The following SFSWAP variants were observed in gnomAD, a reference collection of about 807,000 sequenced individuals.
SFSWAP encodes splicing factor SWAP, also known as splicing factor, suppressor of white-apricot homolog.
Under a neutral mutation model 100.7 loss-of-function variants are expected in SFSWAP, and 17 were observed. That is an observed-to-expected ratio of 0.17 (90% CI 0.12 to 0.25). SFSWAP has a LOEUF of 0.25. Ranked by LOEUF, SFSWAP falls within the 10% of genes least tolerant of loss-of-function variation. The pLI, the probability that SFSWAP is intolerant of heterozygous loss-of-function variation, is 1.00. For synonymous variants in SFSWAP, 504 were observed against 510.1 expected (o/e 0.99, Z 0.16); for missense variants, 1,005 against 1,262.6 (o/e 0.80, Z 3.09).
chr12:131,784,729 G>A (rs1884767873), intron 14 of SFSWAP: 1 of 175,924 alleles, frequency 5.7e-6, no homozygotes, highest in Admixed American at 6.1e-5. Context: ...AGCTTCTTTA[G>A]CTAAAGTCAA....
At chr12:131,798,013 G>T (rs1455886098) in intron 16 of SFSWAP, among the ~76,000 whole-genome samples, 5 of 152,200 alleles carry the variant, frequency 3.3e-5, no homozygotes, top group Admixed American at 3.3e-4. Flanking sequence ...ATTTGAGATG[G>T]ATTAGAATCT....
chr12:131,737,813 A>G (rs1271699270), intron 7 of SFSWAP, among the ~76,000 whole-genome samples: 1 of 152,036 alleles, frequency 6.6e-6, no homozygotes, highest in Admixed American at 6.6e-5. Flanking sequence ...AATTTTATAT[A>G]TATATAAAAT....
intron 13 of SFSWAP, among the ~76,000 whole-genome samples, 161 bp downstream of exon 13, chr12:131,766,469 T>C (rs1251005312): frequency 6.6e-6 from 1 of 152,158 alleles, no homozygotes; most frequent in East Asian, 1.9e-4. Context: ...TCTATAGCAG[T>C]GAATCTAAGA....
At chr12:131,719,966 T>G (rs1241890466) in intron 4 of SFSWAP, among the ~76,000 whole-genome samples, 20 of 152,210 alleles carry the variant, frequency 1.3e-4, no homozygotes, top group Admixed American at 1.3e-3. Flanking sequence ...ACGTTACATT[T>G]TCTTAGCAGT....
At chr12:131,745,859 A>G (rs1003511525) in intron 7 of SFSWAP, among the ~76,000 whole-genome samples, 1 of 152,062 alleles carries the variant, frequency 6.6e-6, no homozygotes, top group Non-Finnish European at 1.5e-5. Flanking sequence ...CCAGCAGCCG[A>G]ATAAGCCTGC....
intron 14 of SFSWAP, chr12:131,785,281 C>A: frequency 7.4e-7 from 1 of 1,351,144 alleles, no homozygotes; most frequent in South Asian, 1.3e-5. Flanking sequence ...TAGGAAAGGT[C>A]TGGGAAAAAA....
intron 14 of SFSWAP, among the ~76,000 whole-genome samples, chr12:131,779,352 CACTATTAA>C (rs1268774920): frequency 1.3e-5 from 2 of 151,390 alleles, no homozygotes; most frequent in African/African-American, 2.4e-5. Flanking sequence ...CTCCAGGAGT[CACTATTAA>C]ACCAAAGGCC....
chr12:131,731,431 A>G (rs1243124856), intron 7 of SFSWAP, among the ~76,000 whole-genome samples: 1 of 152,140 alleles, frequency 6.6e-6, no homozygotes, highest in Non-Finnish European at 1.5e-5. Flanking sequence ...CCTCGTCTTC[A>G]CTTCCTGGGT....
At chr12:131,762,410 CA>C (rs911438052) in intron 11 of SFSWAP, among the ~76,000 whole-genome samples, 2 of 151,644 alleles carry the variant, frequency 1.3e-5, no homozygotes, top group Non-Finnish European at 2.9e-5. Flanking sequence ...AACCCTTTCT[CA>C]AAAAAAATAA....
In SFSWAP at chr12:131,746,976, T is replaced by C. The variant is rs576409284; in HGVS notation, c.1082-6147T>C. Among the ~76,000 whole-genome samples the C allele has an allele frequency of 1.1e-3, 165 of 151,980 alleles. 4 individuals are homozygous for C. Among genetic ancestry groups the C allele is most frequent in the East Asian group, 6.2e-3 (32 of 5,162 alleles). Reference sequence around the variant, plus strand: ...AAAATTAGCCGGGTGTGGTGGCGGGTGCCTGTAGTCCCAGCTACTCGGGAG... The same window carrying C: ...AAAATTAGCCGGGTGTGGTGGCGGGCGCCTGTAGTCCCAGCTACTCGGGAG... On this transcript the variant is annotated intron_variant, in intron 7 of 17. Coordinates refer to ENST00000261674, the MANE Select transcript of SFSWAP (RefSeq NM_004592.4).
Position 131,725,641 on chromosome 12 carries a change from C to T in SFSWAP, c.832+11C>T, listed in dbSNP as rs374313251. The T allele has an allele frequency of 6.3e-7, 1 of 1,599,042 alleles. No homozygotes were observed. The highest frequency in any genetic ancestry group is 8.6e-7 in the Non-Finnish European group (1 of 1,169,436). ...GTGACGAGAAAAAAAGTAGGTCCCACTGCGTCTGTTCCGTCCAGACTTTGG... is the reference window on the plus strand; with the variant it reads ...GTGACGAGAAAAAAAGTAGGTCCCATTGCGTCTGTTCCGTCCAGACTTTGG... On this transcript the variant is annotated intron_variant, in intron 5 of 17. Transcript: ENST00000261674. The surrounding 1 kb of genome is among the most constrained non-coding windows in gnomAD (Gnocchi z 4.3).
At chr12:131,745,633 G>A (rs1440555249) in intron 7 of SFSWAP, among the ~76,000 whole-genome samples, 1 of 152,148 alleles carries the variant, frequency 6.6e-6, no homozygotes, top group Admixed American at 6.5e-5. Flanking sequence ...GAATAAGGCA[G>A]CACTCTAACT....
intron 13 of SFSWAP, among the ~76,000 whole-genome samples, chr12:131,770,966 A>G (rs1593171523): frequency 6.6e-6 from 1 of 151,918 alleles, no homozygotes; most frequent in South Asian, 2.1e-4. Flanking sequence ...GGCTGACTTC[A>G]CCTAGCGTGG....
chr12:131,751,347 G>T (rs1881604983), intron 7 of SFSWAP, among the ~76,000 whole-genome samples: 1 of 152,198 alleles, frequency 6.6e-6, no homozygotes, highest in Non-Finnish European at 1.5e-5. Flanking sequence ...AACATGTTTG[G>T]ACACTTTTTA....
chr12:131,719,602 G>A, intron 4 of SFSWAP, 63 bp downstream of exon 4: 1 of 1,292,506 alleles, frequency 7.7e-7, no homozygotes, highest in East Asian at 2.3e-5. Context: ...ACTCCTGCTT[G>A]TGGGAAAGCT....
intron 7 of SFSWAP, among the ~76,000 whole-genome samples, chr12:131,737,659 T>C (rs1880163045): frequency 6.6e-6 from 1 of 152,188 alleles, no homozygotes; most frequent in Non-Finnish European, 1.5e-5. Context: ...TAAGCTTTTC[T>C]GGCTTTCATA....
chr12:131,799,256 G>C (rs77439309), intron 17 of SFSWAP, 147 bp downstream of exon 17: 69,046 of 1,010,048 alleles, frequency 0.068, 2,662 homozygotes, highest in Middle Eastern at 0.093. Context: ...GGGTGAGGCC[G>C]AGGGCAAAGC....
At chr12:131,789,616 GCTCT>G (rs953793526) in intron 15 of SFSWAP, among the ~76,000 whole-genome samples, 11 of 152,050 alleles carry the variant, frequency 7.2e-5, no homozygotes, top group African/African-American at 2.7e-4. Context: ...TTGCCACATT[GCTCT>G]CTCTCACCCC....
intron 15 of SFSWAP, among the ~76,000 whole-genome samples, chr12:131,788,920 C>T (rs1885072150): frequency 6.6e-6 from 1 of 152,208 alleles, no homozygotes; most frequent in Non-Finnish European, 1.5e-5. Flanking sequence ...AATGCTGTGA[C>T]AGCACCAGAC....
Sources: gnomAD v4.1 joint callset for allele counts (sites outside exome capture counted in the v4.1 genomes callset) on GRCh38, gnomAD v4.1.1 for gene constraint, Gnocchi (gnomAD v3.1) non-coding constraint, MANE v1.5 for transcripts, NCBI Gene and HGNC (gene_info 2026-07-23, HGNC 2026-07-21) for gene names.